RRP1: variants seen among roughly 807,000 people sequenced by gnomAD.
The protein encoded by RRP1 is ribosomal RNA processing protein 1 homolog A.
In RRP1, 37 loss-of-function variants were observed where a neutral mutation model predicts 54.6. The ratio of observed to expected loss-of-function variants is 0.68; its 90% CI spans 0.52 to 0.89. RRP1 has a LOEUF of 0.89. Ranked by LOEUF, RRP1 falls within the 40% of genes least tolerant of loss-of-function variation. RRP1 has a pLI of 0.00. For missense variants in RRP1, 639 were observed against 612.5 expected, an observed-to-expected ratio of 1.04 and a Z score of -0.46; for synonymous variants, 262 against 244.3, an observed-to-expected ratio of 1.07 and a Z score of -0.67.
intron 5 of RRP1, among the ~76,000 whole-genome samples, chr21:43,796,966 C>T (rs1053606501): frequency 1.3e-5 from 2 of 152,166 alleles, no homozygotes; most frequent in Admixed American, 6.5e-5. Context: ...TCATGGTCCT[C>T]GGCCCCTTTC....
chr21:43,800,101 T>C (rs1340157820), intron 9 of RRP1, among the ~76,000 whole-genome samples: 1 of 152,246 alleles, frequency 6.6e-6, no homozygotes, highest in East Asian at 1.9e-4. Context: ...GAAACTTAAA[T>C]GTTTTAAGTT....
intron 5 of RRP1, among the ~76,000 whole-genome samples, chr21:43,795,529 C>T (rs1325867081): frequency 1.3e-5 from 2 of 152,126 alleles, no homozygotes; most frequent in African/African-American, 2.4e-5. Context: ...TATAAAAACA[C>T]GGCATGTTCC....
At chr21:43,797,348 A>C in intron 5 of RRP1, 74 bp from the exon 6 acceptor site, 3 of 1,537,922 alleles carry the variant, frequency 2.0e-6, no homozygotes, top group African/African-American at 2.7e-5. Context: ...GCGTGTAACC[A>C]TGGGAGAGTG....
intron 5 of RRP1, among the ~76,000 whole-genome samples, chr21:43,796,375 T>C (rs887503738): frequency 6.6e-6 from 1 of 152,160 alleles, no homozygotes; most frequent in African/African-American, 2.4e-5. Context: ...AAAGGGATGA[T>C]TTTACTTGTG....
chr21:43,790,935 TTTC>T (rs2084950276), intron 1 of RRP1: 3 of 448,358 alleles, frequency 6.7e-6, no homozygotes, highest in South Asian at 4.7e-5. Context: ...CTGAGTTCAC[TTTC>T]TTCTTTTAGT....
At chr21:43,797,588 G>A (rs370374483) in intron 6 of RRP1, 37 bp downstream of exon 6, 479 of 1,613,922 alleles carry the variant, frequency 3.0e-4, no homozygotes, top group Non-Finnish European at 3.8e-4. Flanking sequence ...GGAGCTGGGC[G>A]TTTGTGGAGG....
intron 5 of RRP1, 43 bp from the exon 6 acceptor site, chr21:43,797,379 G>T: frequency 1.3e-6 from 2 of 1,579,516 alleles, no homozygotes; most frequent in Non-Finnish European, 8.6e-7. Context: ...CTGTCTTGGG[G>T]CTCATCGAGG....
intron 8 of RRP1, among the ~76,000 whole-genome samples, chr21:43,799,305 C>T (rs1569016525): frequency 6.6e-6 from 1 of 151,524 alleles, no homozygotes; most frequent in Non-Finnish European, 1.5e-5. Context: ...ATCTTTTTTT[C>T]CTTTGCAGGC....
In RRP1 at chr21:43,790,058, C is replaced by T. The variant is rs540031427; in HGVS notation, c.133+296C>T. Among the ~76,000 whole-genome samples, 27 of 152,382 alleles carry T rather than the reference C, an allele frequency of 1.8e-4. No individual in the cohort carries two copies. The East Asian group carries it at 4.6e-3, about 26-fold the overall frequency. ...CCAGTAGACCATGTACTCCTGCTGCCCTGCTGTTTGGGCACCCAGTATTTT... is the reference window on the plus strand; with the variant it reads ...CCAGTAGACCATGTACTCCTGCTGCTCTGCTGTTTGGGCACCCAGTATTTT... On this transcript the variant is annotated intron_variant, in intron 1 of 12. Transcript: ENST00000497547.
intron 12 of RRP1, 133 bp from the exon 13 acceptor site, chr21:43,803,379 T>G (rs2085112438): frequency 1.6e-6 from 2 of 1,241,632 alleles, no homozygotes; most frequent in East Asian, 5.1e-5. Flanking sequence ...GGACACGGGA[T>G]GCGTCTGGCT....
At position 43,801,259 on chromosome 21, in the gene RRP1, C is replaced by T. The variant is rs574145571; in HGVS notation, c.1009+378C>T. ...GGAAGGACGGTTTCCTAGTGGGCGT[C>T]GATGGTTAGAGACGTAGGCGTTTCC... On this transcript the variant is annotated intron_variant, in intron 11 of 12. Coordinates refer to ENST00000497547, the MANE Select transcript of RRP1 (RefSeq NM_003683.6). Among the ~76,000 whole-genome samples, 16 of 152,224 alleles carry T rather than the reference C, an allele frequency of 1.1e-4. No homozygotes were observed. The East Asian group carries it at 1.9e-3, about 18-fold the overall frequency.
At position 43,797,982 on chromosome 21, in the gene RRP1, C is replaced by T; in HGVS notation, c.693C>T (p.Asp231=). The T allele has an allele frequency of 6.2e-7, 1 of 1,614,180 alleles. No homozygotes were observed. Among genetic ancestry groups the T allele is most frequent in the African/African-American group, 1.3e-5 (1 of 75,050 alleles). Residue 231 remains aspartate, a synonymous_variant, in exon 8 of 13, where the codon GAC becomes GAT. Coordinates refer to ENST00000497547, the MANE Select transcript of RRP1 (RefSeq NM_003683.6). ...IVEQAPLAIE[D]LLNELDTQDE... ...AGCAGGCCCCGCTTGCCATTGAAGA[C>T]CTCCTGAATGAACTGGACACACAGG...
chr21:43,796,550 C>T lies in RRP1; in HGVS notation c.423-872C>T, dbSNP rs536854583. Among the ~76,000 whole-genome samples, 9 of 152,292 alleles carry T rather than the reference C, an allele frequency of 5.9e-5. 1 individual carries two copies. The highest frequency in any genetic ancestry group is 2.2e-4 in the African/African-American group (9 of 41,562). On this transcript the variant is annotated intron_variant, in intron 5 of 12. Transcript: ENST00000497547. The stretch of plus-strand genomic sequence containing the variant: ...CCCGCCCTCTTGGATCTCCTGCAGG[C>T]ATAACCAGGCTGTCATTAATATCCA...
rs1325617972 is a variant in RRP1 at position 43,802,171 on chromosome 21, A to G, written c.1010-103A>G. Reference sequence around the variant, plus strand: ...TAGAACAGGGCGCTTTCTCACACACATTGTCAGGAGGTGGTGCTGGCTGGG... The same window carrying G: ...TAGAACAGGGCGCTTTCTCACACACGTTGTCAGGAGGTGGTGCTGGCTGGG... On this transcript the variant is annotated intron_variant, in intron 11 of 12. Coordinates refer to ENST00000497547, the MANE Select transcript of RRP1 (RefSeq NM_003683.6). The G allele has an allele frequency of 8.9e-6, 7 of 783,472 alleles. No individual in the cohort carries two copies. The Admixed American group carries it at 1.3e-4, about 14-fold the overall frequency. The allele number at this position is 783,472 out of a possible 1,614,324, so 48.5% of individuals were successfully genotyped here.
At chr21:43,795,058 T>A in intron 4 of RRP1, 131 bp from the exon 5 acceptor site, 1 of 829,010 alleles carries the variant, frequency 1.2e-6, no homozygotes, top group Non-Finnish European at 2.0e-6. Context: ...GGGGGCCGGC[T>A]GTGTGCTGGG....
rs146639942 is a variant in RRP1 at position 43,803,851 on chromosome 21, C to T, written c.*77C>T. On this transcript the variant is annotated 3_prime_UTR_variant, in exon 13 of 13. Coordinates refer to ENST00000497547, the MANE Select transcript of RRP1 (RefSeq NM_003683.6). The stretch of plus-strand genomic sequence containing the variant: ...GCGGGACGAGGCTGACCGGGCTGTT[C>T]TGTAGACTCAGGACCGTGGCTCCAG... 8.9e-6 allele frequency: 13 copies of T among 1,455,718 alleles called. No homozygotes were observed. Among genetic ancestry groups the T allele is most frequent in the South Asian group, 1.5e-5 (1 of 68,916 alleles). 90.2% of individuals were successfully genotyped at this position (1,455,718 alleles called of 1,614,324 possible). A position where few individuals can be genotyped will look rare whatever the true frequency, so the allele number is the denominator to read the frequency against.
In RRP1 at chr21:43,803,649, C is replaced by A; in HGVS notation, c.1261C>A (p.Gln421Lys). 3 of 1,551,638 alleles carry A rather than the reference C, an allele frequency of 1.9e-6. No individual in the cohort carries two copies. The highest frequency in any genetic ancestry group is 1.2e-5 in the South Asian group (1 of 84,168). The change falls in exon 13 of 13, where the codon CAG (glutamine) becomes AAG (lysine). Residue 421 changes from glutamine to lysine, a missense_variant. Transcript: ENST00000497547. ...AGCTGAGCGGGCCCTGCTCCGAGAT[C>A]AGCCCAGGGGCCGTGGCCAGAGAGG... ...GTAERALLRDQPRGRGQRGAR... is the reference protein window; with the variant it reads ...GTAERALLRDKPRGRGQRGAR...
Position 43,795,260 on chromosome 21 carries a change from C to T in RRP1, c.422+10C>T, listed in dbSNP as rs374693711. Reference sequence around the variant, plus strand: ...AAGGCTGGGAAGAAAGGTGGGTGCGCGGCGGGCCTGCTCTGGGGGGACGCT... The same window carrying T: ...AAGGCTGGGAAGAAAGGTGGGTGCGTGGCGGGCCTGCTCTGGGGGGACGCT... On this transcript the variant is annotated intron_variant, in intron 5 of 12. Coordinates refer to ENST00000497547, the MANE Select transcript of RRP1 (RefSeq NM_003683.6). The T allele has an allele frequency of 1.2e-4, 194 of 1,613,316 alleles. No homozygotes were observed. The highest frequency in any genetic ancestry group is 1.6e-4 in the Middle Eastern group (1 of 6,084).
Position 43,801,712 on chromosome 21 carries a change from G to C in RRP1, c.1010-562G>C, listed in dbSNP as rs148001863. Among the ~76,000 whole-genome samples, 272 of 152,274 alleles carry C rather than the reference G, an allele frequency of 1.8e-3. 1 individual carries two copies. The highest frequency in any genetic ancestry group is 6.4e-3 in the African/African-American group (264 of 41,554). ...TCGTCTGGGGTTTTCGGGACAGCGC[G>C]CGTCAGTGAGGTGCGTGAGGATCGT... On this transcript the variant is annotated intron_variant, in intron 11 of 12. Coordinates refer to ENST00000497547, the MANE Select transcript of RRP1 (RefSeq NM_003683.6).
Sources: allele counts gnomAD v4.1 joint callset (sites outside exome capture counted in the v4.1 genomes callset), GRCh38; gene constraint gnomAD v4.1.1; transcripts MANE v1.5; gene names NCBI Gene and HGNC (gene_info 2026-07-23, HGNC 2026-07-21).